AKR1D1: variants seen among roughly 807,000 people sequenced by gnomAD.
The protein encoded by AKR1D1 is aldo-keto reductase family 1 member D1.
A neutral mutation model predicts 42.6 loss-of-function variants in AKR1D1; 32 were observed. That is an observed-to-expected ratio of 0.75 (90% CI 0.57 to 1.01). The LOEUF is 1.01. Ranked by LOEUF, AKR1D1 falls within the 50% of genes least tolerant of loss-of-function variation. The pLI, the probability that AKR1D1 is intolerant of heterozygous loss-of-function variation, is 0.00. For synonymous variants in AKR1D1, 123 were observed against 135.5 expected (o/e 0.91, Z 0.64); for missense variants, 364 against 402.2 (o/e 0.91, Z 0.81).
At chr7:138,092,123 T>C (rs192317131) in intron 3 of AKR1D1, among the ~76,000 whole-genome samples, 1 of 152,384 alleles carries the variant, frequency 6.6e-6, no homozygotes, top group East Asian at 1.9e-4. Flanking sequence ...CAGAGAGTAC[T>C]GACCTAGTCT....
At chr7:138,089,087 C>T (rs1024820890) in intron 2 of AKR1D1, among the ~76,000 whole-genome samples, 2 of 152,078 alleles carry the variant, frequency 1.3e-5, no homozygotes, top group Admixed American at 6.6e-5. Context: ...CGGTGTCTCA[C>T]GCCTCTAATC....
chr7:138,105,462 G>A lies in AKR1D1; in HGVS notation c.579+33G>A, dbSNP rs368288758. Reference sequence around the variant, plus strand: ...CTAATAGCTTCCACTAGGGTGTGGGGAGTGGGGGCAGGATTTACATGACAC... The same window carrying A: ...CTAATAGCTTCCACTAGGGTGTGGGAAGTGGGGGCAGGATTTACATGACAC... On this transcript the variant is annotated intron_variant, in intron 5 of 8. Coordinates refer to ENST00000242375, the MANE Select transcript of AKR1D1 (RefSeq NM_005989.4). 264 of 1,613,068 alleles carry A rather than the reference G, an allele frequency of 1.6e-4. 1 individual carries two copies. Among genetic ancestry groups the A allele is most frequent in the Middle Eastern group, 3.8e-4 (2 of 5,252 alleles).
chr7:138,098,084 A>G (rs1397031228), intron 4 of AKR1D1, 141 bp downstream of exon 4: 1 of 719,440 alleles, frequency 1.4e-6, no homozygotes, highest in East Asian at 2.6e-5. Flanking sequence ...CCTAACCATA[A>G]GTACAGGTAT....
At chr7:138,087,543 T>C (rs1238196222) in intron 1 of AKR1D1, among the ~76,000 whole-genome samples, 2 of 152,222 alleles carry the variant, frequency 1.3e-5, no homozygotes, top group African/African-American at 2.4e-5. Context: ...CATTGAGATA[T>C]AACTGACATA....
chr7:138,096,424 G>A (rs1396740686), intron 3 of AKR1D1, among the ~76,000 whole-genome samples: 3 of 152,128 alleles, frequency 2.0e-5, no homozygotes, highest in Non-Finnish European at 4.4e-5. Context: ...GAAGGGCAAA[G>A]AGCACAAGAA....
chr7:138,113,435 G>A (rs1271054844), intron 7 of AKR1D1, among the ~76,000 whole-genome samples: 1 of 152,090 alleles, frequency 6.6e-6, no homozygotes, highest in Non-Finnish European at 1.5e-5. Flanking sequence ...GAAATTTTAG[G>A]GGATTTCATT....
At chr7:138,084,314 G>A (rs1803122710) in intron 1 of AKR1D1, among the ~76,000 whole-genome samples, 1 of 143,684 alleles carries the variant, frequency 7.0e-6, no homozygotes, top group Non-Finnish European at 1.5e-5. Flanking sequence ...CCAGGCTGAA[G>A]CGCAGTGGCA....
At position 138,088,476 on chromosome 7, in the gene AKR1D1, A is replaced by T; in HGVS notation, c.94-125A>T. 5 of 1,177,578 alleles carry T rather than the reference A, an allele frequency of 4.2e-6. No individual in the cohort carries two copies. The South Asian group carries it at 6.4e-5, about 15-fold the overall frequency. The allele number at this position is 1,177,578 out of a possible 1,614,324, so 72.9% of individuals were successfully genotyped here. ...CTGAACACCATCTTCCAATCACAAC[A>T]GCAAGGAATTGGGAATGTGTCATTT... On this transcript the variant is annotated intron_variant, in intron 1 of 8. Transcript: ENST00000242375.
intron 2 of AKR1D1, among the ~76,000 whole-genome samples, chr7:138,090,289 A>C (rs988477723): frequency 6.6e-6 from 1 of 152,182 alleles, no homozygotes; most frequent in African/African-American, 2.4e-5. Context: ...ATTGTCCAAC[A>C]GAGGAAAAAA....
chr7:138,093,762 G>A (rs1794133233), intron 3 of AKR1D1, among the ~76,000 whole-genome samples: 1 of 152,106 alleles, frequency 6.6e-6, no homozygotes, highest in African/African-American at 2.4e-5. Context: ...AACAGAAATT[G>A]TTTACTATCA....
Position 138,107,249 on chromosome 7 carries a change from C to T in AKR1D1, c.690-166C>T, listed in dbSNP as rs776978570. ...CTTGATCTTCCCATACTACGAGTAACTCTCCATTCAGTGCATACTCTGCAC... is the reference window on the plus strand; with the variant it reads ...CTTGATCTTCCCATACTACGAGTAATTCTCCATTCAGTGCATACTCTGCAC... On this transcript the variant is annotated intron_variant, in intron 6 of 8. Coordinates refer to ENST00000242375, the MANE Select transcript of AKR1D1 (RefSeq NM_005989.4). The T allele has an allele frequency of 1.6e-5, 13 of 797,482 alleles. No homozygotes were observed. The Admixed American group carries it at 2.2e-4, about 14-fold the overall frequency. 49.4% of individuals were successfully genotyped at this position (797,482 alleles called of 1,614,324 possible). A position where few individuals can be genotyped will look rare whatever the true frequency, so the allele number is the denominator to read the frequency against.
At chr7:138,090,767 G>A (rs768883978) in intron 2 of AKR1D1, among the ~76,000 whole-genome samples, 4 of 152,164 alleles carry the variant, frequency 2.6e-5, no homozygotes, top group African/African-American at 7.2e-5. Flanking sequence ...CCTTGGCACC[G>A]TATGTCTCAG....
At chr7:138,096,510 C>T (rs1794186385) in intron 3 of AKR1D1, among the ~76,000 whole-genome samples, 2 of 152,152 alleles carry the variant, frequency 1.3e-5, no homozygotes, top group Non-Finnish European at 2.9e-5. Context: ...GGCCCCACCT[C>T]CCAACACAGT....
Position 138,107,417 on chromosome 7 carries a change from T to C in AKR1D1, c.692T>C (p.Val231Ala), listed in dbSNP as rs1794454811. 6.2e-7 allele frequency: 1 copy of C among 1,613,882 alleles called. No homozygotes were observed. The highest frequency in any genetic ancestry group is 1.3e-5 in the African/African-American group (1 of 74,918). The change falls in exon 7 of 9, where the codon GTG becomes GCG. Residue 231 changes from valine to alanine, a missense_variant and splice_region_variant. Coordinates refer to ENST00000242375, the MANE Select transcript of AKR1D1 (RefSeq NM_005989.4). ...ATGCATGTTTTGATATTTTTAAGGG[T>C]GAATGTTTCTTCTCCACCTTTGTTA... ...PLGTSRNPIW[V>A]NVSSPPLLKD...
chr7:138,108,814 C>T (rs1355307081), intron 7 of AKR1D1, among the ~76,000 whole-genome samples: 9 of 152,086 alleles, frequency 5.9e-5, no homozygotes, highest in African/African-American at 2.2e-4. Flanking sequence ...GTGCTCTTAC[C>T]ACAAAAATGA....
chr7:138,087,615 G>C (rs549807345), intron 1 of AKR1D1, among the ~76,000 whole-genome samples: 1 of 151,970 alleles, frequency 6.6e-6, no homozygotes, highest in Non-Finnish European at 1.5e-5. Flanking sequence ...ACATCTGTGA[G>C]GCCATCACCA....
At chr7:138,106,509 A>G in intron 5 of AKR1D1, 99 bp from the exon 6 acceptor site, 1 of 853,112 alleles carries the variant, frequency 1.2e-6, no homozygotes, top group Admixed American at 1.9e-5. Flanking sequence ...AGATTCTATT[A>G]ATAAAATGGA....
intron 1 of AKR1D1, among the ~76,000 whole-genome samples, chr7:138,077,232 T>A (rs1433410800): frequency 6.6e-6 from 1 of 152,052 alleles, no homozygotes; most frequent in Non-Finnish European, 1.5e-5. Context: ...AGGAAAGAGG[T>A]TTAATTGACT....
chr7:138,084,256 CTT>C (rs34809975), intron 1 of AKR1D1, among the ~76,000 whole-genome samples: 221 of 134,714 alleles, frequency 1.6e-3, no homozygotes, highest in African/African-American at 5.5e-3. Flanking sequence ...TTTAATCTAG[CTT>C]TTTTTTTTTT....
Sources: allele counts gnomAD v4.1 joint callset (sites outside exome capture counted in the v4.1 genomes callset), GRCh38; gene constraint gnomAD v4.1.1; transcripts MANE v1.5; gene names NCBI Gene and HGNC (gene_info 2026-07-23, HGNC 2026-07-21).